The following RBM6 variants were observed in gnomAD, a reference collection of about 807,000 sequenced individuals.
The protein encoded by RBM6 is RNA-binding protein 6.
In RBM6, 23 loss-of-function variants were observed where a neutral mutation model predicts 140.4. The ratio of observed to expected loss-of-function variants is 0.16; its 90% CI spans 0.12 to 0.23. RBM6 has a LOEUF of 0.23. Among genes scored for constraint, RBM6 ranks in the 10% least tolerant of loss-of-function variants. The pLI is 1.00. For synonymous variants in RBM6, 439 were observed against 475.6 expected (o/e 0.92, Z 1.00); for missense variants, 1,139 against 1,386.7 (o/e 0.82, Z 2.84).
chr3:49,959,615 G>A (rs1211188091), intron 1 of RBM6, among the ~76,000 whole-genome samples: 1 of 143,008 alleles, frequency 7.0e-6, no homozygotes, highest in Non-Finnish European at 1.5e-5. Context: ...CTGTTGCCCA[G>A]GCTGGAGTGC....
chr3:50,002,536 G>A lies in RBM6; in HGVS notation c.1557+3023G>A, dbSNP rs561733478. 8.6e-5 allele frequency among the ~76,000 whole-genome samples: 13 copies of A among 151,632 alleles called. No individual in the cohort carries two copies. The South Asian group carries it at 2.7e-3, about 32-fold the overall frequency. On this transcript the variant is annotated intron_variant, in intron 6 of 20. Transcript: ENST00000266022. ...CTTGGCCTCCCAAAGTGCTGGGACT[G>A]CAGGCGTGAGCCACCATGTCCTGCC...
intron 5 of RBM6, among the ~76,000 whole-genome samples, chr3:49,980,284 C>T (rs1329911039): frequency 6.6e-6 from 1 of 151,618 alleles, no homozygotes. Context: ...GAATTACAGA[C>T]GTGAGCCACC....
At chr3:50,034,727 C>G (rs1575759769) in intron 6 of RBM6, among the ~76,000 whole-genome samples, 1 of 152,268 alleles carries the variant, frequency 6.6e-6, no homozygotes, top group East Asian at 1.9e-4. Flanking sequence ...CAACACTGCA[C>G]TCCAGCCTGG....
At chr3:50,023,941 C>T (rs933257495) in intron 6 of RBM6, among the ~76,000 whole-genome samples, 3 of 152,094 alleles carry the variant, frequency 2.0e-5, no homozygotes, top group African/African-American at 7.2e-5. Flanking sequence ...AGCCACTGCT[C>T]CCAGCCGGGT....
At chr3:49,941,580 C>T (rs932006234) in intron 1 of RBM6, among the ~76,000 whole-genome samples, 16 of 125,218 alleles carry the variant, frequency 1.3e-4, no homozygotes, top group African/African-American at 4.6e-4. Context: ...GCGGAGGTTG[C>T]GGTGAGCTGA....
chr3:49,987,518 T>C (rs1197440082), intron 5 of RBM6, among the ~76,000 whole-genome samples: 1 of 151,998 alleles, frequency 6.6e-6, no homozygotes, highest in Non-Finnish European at 1.5e-5. Flanking sequence ...GGTTTCACCA[T>C]GTTGGCCAGG....
chr3:50,015,604 G>T (rs2087099040), intron 6 of RBM6, among the ~76,000 whole-genome samples: 1 of 148,196 alleles, frequency 6.7e-6, no homozygotes, highest in Non-Finnish European at 1.5e-5. Flanking sequence ...CTAATTTTTT[G>T]AATTTTTTTA....
chr3:50,034,543 T>C (rs1452799593), intron 6 of RBM6, among the ~76,000 whole-genome samples: 3 of 152,054 alleles, frequency 2.0e-5, no homozygotes, highest in Admixed American at 2.0e-4. Flanking sequence ...GGCAGATCAC[T>C]TGAGGTCAGG....
intron 5 of RBM6, among the ~76,000 whole-genome samples, chr3:49,996,785 T>G (rs1050123156): frequency 2.0e-5 from 3 of 152,206 alleles, no homozygotes; most frequent in African/African-American, 7.2e-5. Context: ...TTTCTGTAAC[T>G]AGGCTTCTAG....
chr3:50,033,222 G>A (rs564655344), intron 6 of RBM6, among the ~76,000 whole-genome samples: 228 of 148,552 alleles, frequency 1.5e-3, no homozygotes, highest in Admixed American at 3.3e-3. Context: ...GCTTGAACCC[G>A]GGAGGCAGAG....
At chr3:49,961,644 C>G (rs557176876) in intron 1 of RBM6, among the ~76,000 whole-genome samples, 78 of 150,118 alleles carry the variant, frequency 5.2e-4, no homozygotes, top group Middle Eastern at 3.6e-3. Flanking sequence ...ACTAAAAATA[C>G]AAAAATTAGC....
intron 6 of RBM6, among the ~76,000 whole-genome samples, chr3:50,012,894 C>T (rs80234854): frequency 6.6e-6 from 1 of 151,910 alleles, no homozygotes; most frequent in Non-Finnish European, 1.5e-5. Context: ...AGCCATGCGC[C>T]ACCACGCCTG....
chr3:50,055,604 T>C (rs2089667357), intron 8 of RBM6, among the ~76,000 whole-genome samples: 1 of 152,158 alleles, frequency 6.6e-6, no homozygotes, highest in East Asian at 1.9e-4. Flanking sequence ...GGATGTTAGG[T>C]TGAAAAAGAG....
intron 8 of RBM6, among the ~76,000 whole-genome samples, chr3:50,057,147 G>C (rs2089734013): frequency 6.6e-6 from 1 of 152,202 alleles, no homozygotes; most frequent in African/African-American, 2.4e-5. Flanking sequence ...TTTAGTAGGT[G>C]ATATAGAGAT....
chr3:49,987,339 A>G (rs937857700), intron 5 of RBM6, among the ~76,000 whole-genome samples: 2 of 150,598 alleles, frequency 1.3e-5, no homozygotes, highest in Non-Finnish European at 3.0e-5. Context: ...TCTTTTTGGA[A>G]CAGTGTTGCT....
intron 1 of RBM6, among the ~76,000 whole-genome samples, chr3:49,955,185 G>GTTTTTTA (rs2083924483): frequency 6.5e-4 from 1 of 1,542 alleles, no homozygotes; most frequent in Non-Finnish European, 2.1e-3. Context: ...TTTTTTTTTT[G>GTTTTTTA]AGACTGAGTC....
intron 6 of RBM6, among the ~76,000 whole-genome samples, chr3:50,041,891 G>A (rs768332221): frequency 9.9e-5 from 15 of 152,186 alleles, no homozygotes; most frequent in Non-Finnish European, 1.5e-5. Flanking sequence ...CCTCTTTGAT[G>A]TGGGAAGTGT....
At chr3:50,072,057 C>G (rs549029728) in intron 19 of RBM6, among the ~76,000 whole-genome samples, 2 of 132,434 alleles carry the variant, frequency 1.5e-5, no homozygotes, top group Non-Finnish European at 3.1e-5. Context: ...GCACTCTAGC[C>G]TGGGTGACAG....
intron 1 of RBM6, among the ~76,000 whole-genome samples, chr3:49,957,427 A>G (rs886590910): frequency 1.3e-5 from 2 of 151,896 alleles, no homozygotes; most frequent in African/African-American, 2.4e-5. Context: ...TGCTAGGACA[A>G]CAAGCATGAG....
Sources: gnomAD v4.1 joint callset for allele counts (sites outside exome capture counted in the v4.1 genomes callset) on GRCh38, gnomAD v4.1.1 for gene constraint, MANE v1.5 for transcripts, NCBI Gene and HGNC (gene_info 2026-07-23, HGNC 2026-07-21) for gene names.